The following LRRTM4 variants were observed in gnomAD, a reference collection of about 807,000 sequenced individuals.
LRRTM4 encodes leucine rich repeat transmembrane neuronal 4, also known as leucine-rich repeat transmembrane neuronal protein 4.
Under a neutral mutation model 47.6 loss-of-function variants are expected in LRRTM4, and 25 were observed. The ratio of observed to expected loss-of-function variants is 0.53; its 90% CI spans 0.38 to 0.73. The LOEUF (loss-of-function observed/expected upper bound fraction) is 0.73, where lower values mean the gene tolerates loss of function less well. Among genes scored for constraint, LRRTM4 ranks in the 30% least tolerant of loss-of-function variants. The probability of loss-of-function intolerance (pLI) is 0.00; values close to 1 mark genes in which losing one functional copy is unlikely to be tolerated. For missense variants in LRRTM4, 638 were observed against 713.4 expected, an observed-to-expected ratio of 0.89 and a Z score of 1.20; for synonymous variants, 311 against 269.5, an observed-to-expected ratio of 1.15 and a Z score of -1.51.
chr2:77,132,778 C>A (rs1435716767), intron 3 of LRRTM4, among the ~76,000 whole-genome samples: 1 of 152,122 alleles, frequency 6.6e-6, no homozygotes, highest in Non-Finnish European at 1.5e-5. Flanking sequence ...AGTAATTTGG[C>A]TCTTAAGTTT....
intron 3 of LRRTM4, among the ~76,000 whole-genome samples, chr2:77,229,655 C>T (rs1674910385): frequency 6.6e-6 from 1 of 152,092 alleles, no homozygotes; most frequent in Non-Finnish European, 1.5e-5. Flanking sequence ...CACCGCTGCT[C>T]TCCAGCTCCA....
At chr2:77,135,756 A>T (rs72911859) in intron 3 of LRRTM4, among the ~76,000 whole-genome samples, 3,086 of 152,236 alleles carry the variant, frequency 0.02, 119 homozygotes, top group African/African-American at 0.07. Flanking sequence ...TTGAAGGCTT[A>T]AAAAATATCT....
At chr2:77,299,352 T>C (rs753452117) in intron 3 of LRRTM4, among the ~76,000 whole-genome samples, 28 of 151,172 alleles carry the variant, frequency 1.9e-4, no homozygotes, top group African/African-American at 1.9e-4. Context: ...CGTATATATA[T>C]GTATATATGT....
At chr2:77,335,556 T>A (rs1671132945) in intron 3 of LRRTM4, among the ~76,000 whole-genome samples, 1 of 152,196 alleles carries the variant, frequency 6.6e-6, no homozygotes, top group African/African-American at 2.4e-5. Context: ...AAGCTGAACC[T>A]TGCCCCAGCC....
At chr2:76,890,830 T>C (rs1373548963) in intron 3 of LRRTM4, among the ~76,000 whole-genome samples, 2 of 151,904 alleles carry the variant, frequency 1.3e-5, no homozygotes, top group East Asian at 3.9e-4. Flanking sequence ...GCAAAGCCAA[T>C]GGCGACTTGC....
At chr2:77,460,156 C>A (rs1380953072) in intron 3 of LRRTM4, among the ~76,000 whole-genome samples, 1 of 152,262 alleles carries the variant, frequency 6.6e-6, no homozygotes, top group East Asian at 1.9e-4. Context: ...GATCAACACA[C>A]ATTTTGTATG....
intron 3 of LRRTM4, among the ~76,000 whole-genome samples, chr2:77,103,938 G>C (rs1027354573): frequency 6.6e-6 from 1 of 151,784 alleles, no homozygotes; most frequent in Non-Finnish European, 1.5e-5. Flanking sequence ...TAAATCAGTC[G>C]GATCTCAGTT....
intron 3 of LRRTM4, among the ~76,000 whole-genome samples, chr2:76,752,215 A>G (rs1256403453): frequency 3.9e-5 from 6 of 152,304 alleles, no homozygotes; most frequent in African/African-American, 1.4e-4. Context: ...GATGAAAATA[A>G]GTAGCTCATA....
intron 3 of LRRTM4, among the ~76,000 whole-genome samples, chr2:77,425,421 T>A (rs996304091): frequency 1.3e-5 from 2 of 152,204 alleles, no homozygotes; most frequent in African/African-American, 4.8e-5. Flanking sequence ...CATTTACTTT[T>A]GTTAGCCTGG....
intron 3 of LRRTM4, among the ~76,000 whole-genome samples, chr2:76,771,600 G>A (rs1461106697): frequency 3.5e-5 from 5 of 144,826 alleles, no homozygotes; most frequent in Non-Finnish European, 7.5e-5. Context: ...GAAGCAGCAA[G>A]AAGACTGCGT....
chr2:77,018,320 A>C lies in LRRTM4; in HGVS notation c.1552-269404T>G, dbSNP rs186036843. Among the ~76,000 whole-genome samples the C allele has an allele frequency of 9.0e-5, 13 of 144,460 alleles. No individual in the cohort carries two copies. The East Asian group carries it at 2.8e-3, about 31-fold the overall frequency. 94.8% of individuals were successfully genotyped at this position (144,460 alleles called of 152,430 possible). On this transcript the variant is annotated intron_variant, in intron 3 of 3. Transcript: ENST00000409884. ...GACTGTGAGCTGGTGAAAAGAGAACAGTCAGGGAATAAAGACTTCTTTGAT... is the reference window on the plus strand; with the variant it reads ...GACTGTGAGCTGGTGAAAAGAGAACCGTCAGGGAATAAAGACTTCTTTGAT...
At chr2:77,189,642 T>G (rs1421646493) in intron 3 of LRRTM4, among the ~76,000 whole-genome samples, 1 of 151,618 alleles carries the variant, frequency 6.6e-6, no homozygotes, top group African/African-American at 2.4e-5. Context: ...ACCGTGATCT[T>G]ACACTTCCAG....
At chr2:76,802,102 G>T (rs1675727418) in intron 3 of LRRTM4, among the ~76,000 whole-genome samples, 1 of 151,916 alleles carries the variant, frequency 6.6e-6, no homozygotes, top group Admixed American at 6.6e-5. Flanking sequence ...ATTCAATACA[G>T]TATTGAAAGT....
rs370559750 is a variant in LRRTM4 at position 77,518,468 on chromosome 2, C to T, written c.1401G>A (p.Arg467=). The T allele has an allele frequency of 7.1e-5, 114 of 1,613,204 alleles. 1 individual carries two copies. Among genetic ancestry groups the T allele is most frequent in the Non-Finnish European group, 9.1e-5 (107 of 1,179,614 alleles). Reference sequence around the variant, plus strand: ...GTCTTTCAGACTCTCTGGCCTTTTTCCGCCGCCTCTTCATAAGAGAGTGTT... The same window carrying T: ...GTCTTTCAGACTCTCTGGCCTTTTTTCGCCGCCTCTTCATAAGAGAGTGTT... ...LQQHSLMKRR[R]KKARESERQM... The change falls in exon 3 of 4, where the codon CGG becomes CGA. Residue 467 remains arginine, a synonymous_variant. Coordinates refer to ENST00000409884, the MANE Select transcript of LRRTM4 (RefSeq NM_001134745.3).
chr2:77,440,879 A>G (rs575310987), intron 3 of LRRTM4, among the ~76,000 whole-genome samples: 19 of 152,358 alleles, frequency 1.2e-4, no homozygotes, highest in Admixed American at 1.0e-3. Flanking sequence ...GTAATATTTT[A>G]ATAGAACAGT....
chr2:76,854,097 TG>T (rs1179134074), intron 3 of LRRTM4, among the ~76,000 whole-genome samples: 1 of 152,156 alleles, frequency 6.6e-6, no homozygotes, highest in Non-Finnish European at 1.5e-5. Context: ...CCTTCTTTCC[TG>T]GCAACGAATT....
chr2:77,055,735 G>A (rs2103785371), intron 3 of LRRTM4, among the ~76,000 whole-genome samples: 1 of 151,934 alleles, frequency 6.6e-6, no homozygotes, highest in Admixed American at 6.6e-5. Context: ...AAAGACACAT[G>A]CACACGTATG....
At chr2:77,051,898 T>G (rs1024449486) in intron 3 of LRRTM4, among the ~76,000 whole-genome samples, 1 of 152,196 alleles carries the variant, frequency 6.6e-6, no homozygotes, top group African/African-American at 2.4e-5. Flanking sequence ...TCCATTTCAT[T>G]CTACTATGCT....
At chr2:77,098,352 A>G (rs1174781753) in intron 3 of LRRTM4, among the ~76,000 whole-genome samples, 1 of 152,028 alleles carries the variant, frequency 6.6e-6, no homozygotes, top group Non-Finnish European at 1.5e-5. Flanking sequence ...AAAAATAGAT[A>G]AACAGGTATG....
Sources: gnomAD v4.1 joint callset for allele counts (sites outside exome capture counted in the v4.1 genomes callset) on GRCh38, gnomAD v4.1.1 for gene constraint, MANE v1.5 for transcripts, NCBI Gene and HGNC (gene_info 2026-07-23, HGNC 2026-07-21) for gene names.